CCSER1: variants seen among roughly 807,000 people sequenced by gnomAD.
CCSER1 encodes the protein coiled-coil serine rich protein 1.
A neutral mutation model predicts 82.0 loss-of-function variants in CCSER1; 41 were observed. That is an observed-to-expected ratio of 0.50 (90% CI 0.39 to 0.65). CCSER1 has a LOEUF of 0.65. Ranked by LOEUF, CCSER1 falls within the 30% of genes least tolerant of loss-of-function variation. CCSER1 has a pLI of 0.00. For missense variants in CCSER1, 1,119 were observed against 1,064.2 expected, an observed-to-expected ratio of 1.05 and a Z score of -0.72; for synonymous variants, 414 against 383.9, an observed-to-expected ratio of 1.08 and a Z score of -0.92.
At chr4:91,422,534 CAG>C (rs897426517) in intron 10 of CCSER1, among the ~76,000 whole-genome samples, 14 of 152,228 alleles carry the variant, frequency 9.2e-5, no homozygotes, top group African/African-American at 2.4e-4. Context: ...GATTTGCAAA[CAG>C]AGAATTAGGA....
At chr4:90,458,577 ACTCCTGAC>A (rs1312298954) in intron 4 of CCSER1, among the ~76,000 whole-genome samples, 2 of 151,784 alleles carry the variant, frequency 1.3e-5, no homozygotes, top group Non-Finnish European at 1.5e-5. Flanking sequence ...CTGGTCTCGA[ACTCCTGAC>A]CTCAGGTGAT....
chr4:90,607,883 G>T (rs1397133490), intron 5 of CCSER1, among the ~76,000 whole-genome samples: 1 of 151,834 alleles, frequency 6.6e-6, no homozygotes, highest in Non-Finnish European at 1.5e-5. Flanking sequence ...TTCAAAACCT[G>T]AATTTGAAAG....
At chr4:91,091,123 A>G (rs1199346668) in intron 10 of CCSER1, among the ~76,000 whole-genome samples, 3 of 152,178 alleles carry the variant, frequency 2.0e-5, no homozygotes, top group African/African-American at 7.2e-5. Context: ...TTCCCAATTA[A>G]AAGAGCCACA....
chr4:90,315,810 T>G (rs1736067440), intron 3 of CCSER1, among the ~76,000 whole-genome samples: 1 of 152,206 alleles, frequency 6.6e-6, no homozygotes, highest in South Asian at 2.1e-4. Context: ...AGCAGTTACT[T>G]CACACTTAAT....
At position 90,361,334 on chromosome 4, in the gene CCSER1, C is replaced by T. The variant is rs375023226; in HGVS notation, c.1510-38702C>T. On this transcript the variant is annotated intron_variant, in intron 3 of 10. Coordinates refer to ENST00000509176, the MANE Select transcript of CCSER1 (RefSeq NM_001145065.2). The stretch of plus-strand genomic sequence containing the variant: ...TCTCCATGTTGCTTCTGCTCCACCT[C>T]TCCCTCTCTATTTCCATTTGTTTTA... Among the ~76,000 whole-genome samples the T allele has an allele frequency of 2.6e-5, 4 of 152,346 alleles. No homozygotes were observed. The South Asian group carries it at 6.2e-4, about 24-fold the overall frequency.
chr4:90,225,231 ATTTTTTT>A (rs57188209), intron 1 of CCSER1, among the ~76,000 whole-genome samples: 12 of 111,858 alleles, frequency 1.1e-4, no homozygotes, highest in South Asian at 3.0e-4. Flanking sequence ...TACCCGGCTA[ATTTTTTT>A]TTTTTTTTTT....
chr4:90,299,585 A>G (rs1012732588), intron 1 of CCSER1, among the ~76,000 whole-genome samples: 2 of 151,944 alleles, frequency 1.3e-5, no homozygotes, highest in African/African-American at 4.8e-5. Flanking sequence ...TATTCTCCTC[A>G]CTGACCTTAC....
chr4:91,298,033 T>A (rs970883549), intron 10 of CCSER1, among the ~76,000 whole-genome samples: 2 of 151,962 alleles, frequency 1.3e-5, no homozygotes, highest in African/African-American at 2.4e-5. Flanking sequence ...GAAAAAATCC[T>A]ACATGGAGAA....
At chr4:91,172,222 G>A (rs1445951953) in intron 10 of CCSER1, among the ~76,000 whole-genome samples, 2 of 152,130 alleles carry the variant, frequency 1.3e-5, no homozygotes, top group Non-Finnish European at 2.9e-5. Flanking sequence ...ATTTCATTAT[G>A]TAATCTCTTA....
intron 8 of CCSER1, among the ~76,000 whole-genome samples, chr4:90,853,435 A>T (rs1221192508): frequency 6.6e-6 from 1 of 152,186 alleles, no homozygotes; most frequent in Admixed American, 6.5e-5. Flanking sequence ...ATCAGACAAG[A>T]TGTAAATATA....
chr4:90,232,139 A>C (rs916619831), intron 1 of CCSER1, among the ~76,000 whole-genome samples: 1 of 152,184 alleles, frequency 6.6e-6, no homozygotes, highest in African/African-American at 2.4e-5. Flanking sequence ...GTTCCTATGA[A>C]ACCAAAAAAG....
chr4:90,574,976 T>A (rs1160160163), intron 5 of CCSER1, among the ~76,000 whole-genome samples: 1 of 151,990 alleles, frequency 6.6e-6, no homozygotes, highest in East Asian at 1.9e-4. Context: ...AATTTCAAGT[T>A]CTTGTTTTTT....
intron 9 of CCSER1, among the ~76,000 whole-genome samples, chr4:90,955,855 G>A (rs1453655141): frequency 6.6e-6 from 1 of 152,058 alleles, no homozygotes; most frequent in African/African-American, 2.4e-5. Context: ...ACTTAAATAT[G>A]TCCTGCTTCG....
chr4:90,772,271 T>C (rs1752285154), intron 7 of CCSER1, among the ~76,000 whole-genome samples: 1 of 152,138 alleles, frequency 6.6e-6, no homozygotes, highest in Non-Finnish European at 1.5e-5. Context: ...TTTGAATCAA[T>C]ATATTATGAC....
Position 90,406,206 on chromosome 4 carries a change from G to A in CCSER1, c.1603+6077G>A, listed in dbSNP as rs555925221. Among the ~76,000 whole-genome samples the A allele has an allele frequency of 1.8e-4, 27 of 152,238 alleles. 1 individual carries two copies. Among genetic ancestry groups the A allele is most frequent in the African/African-American group, 5.8e-4 (24 of 41,550 alleles). ...AAATGGACAACAAAATTGAGCAGGA[G>A]TAGCTATTATTATACCAGACAAAGC... On this transcript the variant is annotated intron_variant, in intron 4 of 10. Coordinates refer to ENST00000509176, the MANE Select transcript of CCSER1 (RefSeq NM_001145065.2).
intron 10 of CCSER1, among the ~76,000 whole-genome samples, chr4:91,093,959 C>T (rs1316370723): frequency 2.0e-5 from 3 of 152,212 alleles, no homozygotes; most frequent in Non-Finnish European, 4.4e-5. Flanking sequence ...CGGTAAGCTG[C>T]AGATGACTTG....
rs562276127 is a variant in CCSER1 at position 90,579,006 on chromosome 4, T to C, written c.1725-49019T>C. 7.3e-3 allele frequency among the ~76,000 whole-genome samples: 411 copies of C among 56,004 alleles called. 2 individuals are homozygous for C. The highest frequency in any genetic ancestry group is 0.013 in the African/African-American group (41 of 3,158). The allele number at this position is 56,004 out of a possible 152,430, so 36.7% of individuals were successfully genotyped here. On this transcript the variant is annotated intron_variant, in intron 5 of 10. Transcript: ENST00000509176. ...GTGCTTATAAAGTATATAAATATTA[T>C]GTTGTCTATTAAAAAAAGCTTGACT... is the stretch of plus-strand genomic sequence containing the variant.
At chr4:90,586,526 A>G (rs929396018) in intron 5 of CCSER1, among the ~76,000 whole-genome samples, 4 of 152,194 alleles carry the variant, frequency 2.6e-5, no homozygotes, top group African/African-American at 9.6e-5. Context: ...GGATTATTAA[A>G]AGTACTGAGA....
At position 91,146,294 on chromosome 4, in the gene CCSER1, A is replaced by G. The variant is rs150671153; in HGVS notation, c.2217+60300A>G. On this transcript the variant is annotated intron_variant, in intron 10 of 10. Transcript: ENST00000509176. ...GAATTTCAGTGGGTTCCTTCTTAAT[A>G]TGGTGATATTGGCTTTCCAGTCTGG... 1.1e-3 allele frequency among the ~76,000 whole-genome samples: 171 copies of G among 152,204 alleles called. 1 individual carries two copies. In the East Asian group the frequency reaches 0.027, roughly 24 times the overall value.
Sources: allele counts gnomAD v4.1 joint callset (sites outside exome capture counted in the v4.1 genomes callset), GRCh38; gene constraint gnomAD v4.1.1; transcripts MANE v1.5; gene names NCBI Gene and HGNC (gene_info 2026-07-23, HGNC 2026-07-21).